Variants in MARCHF4 observed in about 807,000 individuals in gnomAD.
MARCHF4 encodes the protein E3 ubiquitin-protein ligase MARCHF4.
MARCHF4 carries 14 observed loss-of-function variants against 43.9 expected under a neutral mutation model. The observed-to-expected ratio is 0.32, with a 90% CI of 0.21 to 0.50. MARCHF4 has a LOEUF of 0.50. Ranked by LOEUF, MARCHF4 falls within the 20% of genes least tolerant of loss-of-function variation. The pLI is 0.98. For missense variants in MARCHF4, 468 were observed against 536.7 expected (o/e 0.87, Z 1.27); for synonymous variants, 226 against 213.3 (o/e 1.06, Z -0.52).
At position 216,372,480 on chromosome 2, in the gene MARCHF4, C is replaced by T. The variant is rs927734721; in HGVS notation, c.-2220G>A. 1.3e-5 allele frequency among the ~76,000 whole-genome samples: 2 copies of T among 151,554 alleles called. No homozygotes were observed. The highest frequency in any genetic ancestry group is 6.6e-5 in the Admixed American group (1 of 15,204). ...GAGAGGGAGCAAGAGGAGGAGAGAA[C>T]TGTGCGAGGGAAGGGGATGGGGAGG... On this transcript the variant is annotated 5_prime_UTR_variant, in exon 1 of 4. Coordinates refer to ENST00000273067, the MANE Select transcript of MARCHF4 (RefSeq NM_020814.3).
chr2:216,310,978 A>T (rs1331080920), intron 1 of MARCHF4, among the ~76,000 whole-genome samples: 2 of 152,216 alleles, frequency 1.3e-5, no homozygotes, highest in African/African-American at 2.4e-5. Context: ...ATAGTAATAT[A>T]TTGGATTATA....
intron 1 of MARCHF4, among the ~76,000 whole-genome samples, chr2:216,327,282 A>T (rs4672796): frequency 6.6e-6 from 1 of 151,878 alleles, no homozygotes; most frequent in African/African-American, 2.4e-5. Context: ...CCTATATTCT[A>T]AAGTTTTTTG....
At chr2:216,327,957 C>CAAA (rs113198806) in intron 1 of MARCHF4, among the ~76,000 whole-genome samples, 10 of 88,078 alleles carry the variant, frequency 1.1e-4, no homozygotes, top group African/African-American at 4.1e-4. Flanking sequence ...TATTAGCTTG[C>CAAA]AAAAAAAAAA....
At chr2:216,339,510 C>T (rs1410162873) in intron 1 of MARCHF4, among the ~76,000 whole-genome samples, 2 of 152,204 alleles carry the variant, frequency 1.3e-5, no homozygotes, top group Non-Finnish European at 2.9e-5. Context: ...TATGTCAAAA[C>T]ACAAAATCCA....
At chr2:216,327,573 C>T (rs1009658072) in intron 1 of MARCHF4, among the ~76,000 whole-genome samples, 2 of 152,182 alleles carry the variant, frequency 1.3e-5, no homozygotes, top group African/African-American at 4.8e-5. Flanking sequence ...CTCTCTCAGT[C>T]ACCTGTTTCA....
intron 1 of MARCHF4, among the ~76,000 whole-genome samples, chr2:216,338,821 T>C (rs544546401): frequency 1.3e-5 from 2 of 152,298 alleles, no homozygotes; most frequent in African/African-American, 4.8e-5. Context: ...AGTCATTGAA[T>C]AGTTACTGAG....
At chr2:216,282,894 T>C (rs1691152945) in intron 2 of MARCHF4, among the ~76,000 whole-genome samples, 1 of 152,218 alleles carries the variant, frequency 6.6e-6, no homozygotes, top group African/African-American at 2.4e-5. Context: ...CTCCCTCTCC[T>C]GTTTCTTCTG....
At position 216,338,399 on chromosome 2, in the gene MARCHF4, C is replaced by T. The variant is rs141704241; in HGVS notation, c.516+31346G>A. Among the ~76,000 whole-genome samples, 5 of 152,278 alleles carry T rather than the reference C, an allele frequency of 3.3e-5. No homozygotes were observed. The East Asian group carries it at 9.7e-4, about 29-fold the overall frequency. On this transcript the variant is annotated intron_variant, in intron 1 of 3. Coordinates refer to ENST00000273067, the MANE Select transcript of MARCHF4 (RefSeq NM_020814.3). ...TAGGGAGAAACCACAGAAGTTTCTGCCGCCTTCCTCCCAGCTCCACGTAGC... is the reference window on the plus strand; with the variant it reads ...TAGGGAGAAACCACAGAAGTTTCTGTCGCCTTCCTCCCAGCTCCACGTAGC...
At chr2:216,366,299 T>C (rs1692664758) in intron 1 of MARCHF4, among the ~76,000 whole-genome samples, 1 of 152,200 alleles carries the variant, frequency 6.6e-6, no homozygotes, top group Admixed American at 6.5e-5. Flanking sequence ...TTACTCACAA[T>C]GGTACATTGT....
chr2:216,326,988 A>G (rs1692004315), intron 1 of MARCHF4, among the ~76,000 whole-genome samples: 1 of 152,140 alleles, frequency 6.6e-6, no homozygotes, highest in South Asian at 2.1e-4. Context: ...ATAAATAAAT[A>G]ACAAAAAATA....
At chr2:216,361,291 T>C (rs1476086357) in intron 1 of MARCHF4, among the ~76,000 whole-genome samples, 5 of 152,036 alleles carry the variant, frequency 3.3e-5, no homozygotes, top group Admixed American at 2.6e-4. Flanking sequence ...AAGAGCAAAC[T>C]GAAAAGGGAA....
intron 1 of MARCHF4, among the ~76,000 whole-genome samples, chr2:216,297,158 T>C (rs1286589231): frequency 6.6e-6 from 1 of 152,246 alleles, no homozygotes; most frequent in Non-Finnish European, 1.5e-5. Flanking sequence ...CTGCTCCAAG[T>C]GGCTGTAGCT....
intron 1 of MARCHF4, among the ~76,000 whole-genome samples, chr2:216,353,139 C>A (rs1272308289): frequency 6.6e-6 from 1 of 152,050 alleles, no homozygotes; most frequent in Non-Finnish European, 1.5e-5. Flanking sequence ...AATGACAACA[C>A]TTCAACATAA....
chr2:216,270,501 A>G (rs1450826936), intron 3 of MARCHF4, among the ~76,000 whole-genome samples: 1 of 152,134 alleles, frequency 6.6e-6, no homozygotes, highest in East Asian at 1.9e-4. Flanking sequence ...CCTGTGTGCT[A>G]TAAAAGGCCT....
At chr2:216,333,467 C>T (rs534391555) in intron 1 of MARCHF4, among the ~76,000 whole-genome samples, 7 of 152,210 alleles carry the variant, frequency 4.6e-5, no homozygotes, top group East Asian at 1.9e-4. Flanking sequence ...GATTGACTCA[C>T]ATTAAAATGA....
At chr2:216,344,065 A>G (rs758031282) in intron 1 of MARCHF4, among the ~76,000 whole-genome samples, 1 of 152,174 alleles carries the variant, frequency 6.6e-6, no homozygotes. Context: ...TTAGCAATGT[A>G]GAGAATTTGG....
intron 1 of MARCHF4, among the ~76,000 whole-genome samples, chr2:216,330,153 T>C (rs72944637): frequency 3.0e-4 from 46 of 152,094 alleles, no homozygotes; most frequent in Non-Finnish European, 5.0e-4. Context: ...GCTATACTGA[T>C]ACCAGGCAAA....
At chr2:216,280,111 T>C (rs1265565532) in intron 2 of MARCHF4, among the ~76,000 whole-genome samples, 2 of 152,094 alleles carry the variant, frequency 1.3e-5, no homozygotes, top group East Asian at 1.9e-4. Flanking sequence ...TGGGGTTCTA[T>C]GGACAAGGCA....
chr2:216,279,851 C>T (rs527464552), intron 2 of MARCHF4, among the ~76,000 whole-genome samples: 16 of 152,284 alleles, frequency 1.1e-4, no homozygotes, highest in African/African-American at 3.6e-4. Flanking sequence ...TTCTTTCATG[C>T]ACAACAAATG....
Sources: gnomAD v4.1 joint callset for allele counts (sites outside exome capture counted in the v4.1 genomes callset) on GRCh38, gnomAD v4.1.1 for gene constraint, MANE v1.5 for transcripts, NCBI Gene and HGNC (gene_info 2026-07-23, HGNC 2026-07-21) for gene names.